Variants in KCNJ6 observed in about 807,000 individuals in gnomAD.
KCNJ6 encodes potassium inwardly rectifying channel subfamily J member 6, also known as G protein-activated inward rectifier potassium channel 2.
In KCNJ6, 9 loss-of-function variants were observed where a neutral mutation model predicts 34.2. The ratio of observed to expected loss-of-function variants is 0.26; its 90% CI spans 0.16 to 0.46. The LOEUF (loss-of-function observed/expected upper bound fraction) is 0.46. Ranked by LOEUF, KCNJ6 falls within the 20% of genes least tolerant of loss-of-function variation. KCNJ6 has a pLI of 1.00. For missense variants in KCNJ6, 236 were observed against 531.3 expected (o/e 0.44, Z 5.46); for synonymous variants, 196 against 207.1 (o/e 0.95, Z 0.46).
chr21:37,715,258 C>G (rs930920552), intron 2 of KCNJ6, 127 bp from the exon 3 acceptor site: 1 of 808,866 alleles, frequency 1.2e-6, no homozygotes, highest in Non-Finnish European at 1.9e-6. Context: ...ACAAAGTAGA[C>G]AAAGCCATTT....
intron 1 of KCNJ6, among the ~76,000 whole-genome samples, chr21:37,846,389 GT>G (rs2055508182): frequency 1.3e-5 from 2 of 151,346 alleles, no homozygotes; most frequent in Admixed American, 6.6e-5. Flanking sequence ...GTGTGTGTGT[GT>G]GTGTGTGTGT....
intron 1 of KCNJ6, among the ~76,000 whole-genome samples, chr21:37,853,392 GA>G (rs58598023): frequency 2.7e-5 from 4 of 149,834 alleles, no homozygotes; most frequent in Admixed American, 6.6e-5. Flanking sequence ...CAACCACTGG[GA>G]AAAAAAACAT....
intron 2 of KCNJ6, among the ~76,000 whole-genome samples, chr21:37,800,044 A>G (rs1291152995): frequency 2.0e-5 from 3 of 152,350 alleles, no homozygotes; most frequent in East Asian, 3.9e-4. Context: ...AGACAAATGT[A>G]TCTGAGGCAT....
At chr21:37,718,121 G>T (rs1444354081) in intron 2 of KCNJ6, among the ~76,000 whole-genome samples, 6 of 152,130 alleles carry the variant, frequency 3.9e-5, no homozygotes, top group African/African-American at 1.4e-4. Flanking sequence ...ATTGAGTCTT[G>T]GCCCATCTGG....
In KCNJ6 at chr21:37,853,846, G is replaced by GTGTGTGTATATATATATATATATATATA. The variant is rs71198897; in HGVS notation, c.-27-13138_-27-13137insTATATATATATATATATATATACACACA. ...GTAGTTAAGAGATACATATATATAT[G>GTGTGTGTATATATATATATATATATATA]TATATATATATATATAAATTACATT... On this transcript the variant is annotated intron_variant, in intron 1 of 3. Coordinates refer to ENST00000609713, the MANE Select transcript of KCNJ6 (RefSeq NM_002240.5). Among the ~76,000 whole-genome samples, 143 of 115,952 alleles carry GTGTGTGTATATATATATATATATATATA rather than the reference G, an allele frequency of 1.2e-3. 1 individual carries two copies. The highest frequency in any genetic ancestry group is 5.4e-3 in the African/African-American group (136 of 25,104). The allele number at this position is 115,952 out of a possible 152,430, so 76.1% of individuals were successfully genotyped here. A position where few individuals can be genotyped will look rare whatever the true frequency, so the allele number is the denominator to read the frequency against.
chr21:37,733,558 C>T (rs2054897139), intron 2 of KCNJ6, among the ~76,000 whole-genome samples: 1 of 152,142 alleles, frequency 6.6e-6, no homozygotes, highest in Non-Finnish European at 1.5e-5. Context: ...GACTGTTGGT[C>T]AACAGCTTAT....
At chr21:37,879,965 T>C (rs376863540) in intron 1 of KCNJ6, among the ~76,000 whole-genome samples, 3 of 152,138 alleles carry the variant, frequency 2.0e-5, no homozygotes, top group African/African-American at 7.2e-5. Flanking sequence ...TTATTTCAAA[T>C]GGATGAAATG....
intron 2 of KCNJ6, among the ~76,000 whole-genome samples, chr21:37,786,275 G>A (rs2055192117): frequency 6.6e-6 from 1 of 152,230 alleles, no homozygotes; most frequent in Non-Finnish European, 1.5e-5. Flanking sequence ...GGGAGGAAGG[G>A]TTGGGGCAGA....
Position 37,675,925 on chromosome 21 carries a change from C to CT in KCNJ6, c.946+38285dup, listed in dbSNP as rs1333539381. On this transcript the variant is annotated intron_variant, in intron 3 of 3. Coordinates refer to ENST00000609713, the MANE Select transcript of KCNJ6 (RefSeq NM_002240.5). The surrounding 1 kb of genome is among the most constrained non-coding windows in gnomAD (Gnocchi z 4.2). Reference sequence around the variant, plus strand: ...GACCCTGCTGCGCTTGTCAGCTTCTCTAACTGTGGCTTGGCTCCTCTGTCC... The same window carrying CT: ...GACCCTGCTGCGCTTGTCAGCTTCTCTTAACTGTGGCTTGGCTCCTCTGTCC... 6.6e-6 allele frequency among the ~76,000 whole-genome samples: 1 copy of CT among 152,232 alleles called. No homozygotes were observed. Among genetic ancestry groups the CT allele is most frequent in the African/African-American group, 2.4e-5 (1 of 41,472 alleles).
chr21:37,764,518 A>C (rs1365110941), intron 2 of KCNJ6, among the ~76,000 whole-genome samples: 3 of 151,740 alleles, frequency 2.0e-5, no homozygotes, highest in Admixed American at 6.6e-5. Context: ...AGCTGAGATT[A>C]CAGGCGTGCG....
chr21:37,848,316 G>A (rs2055520373), intron 1 of KCNJ6, among the ~76,000 whole-genome samples: 1 of 152,222 alleles, frequency 6.6e-6, no homozygotes, highest in Non-Finnish European at 1.5e-5. Flanking sequence ...TTTTTTTAGA[G>A]TAAAGTTAGT....
At position 37,619,803 on chromosome 21, in the gene KCNJ6, CTGAAGCA is replaced by C. The variant is rs1206366640; in HGVS notation, c.*5349_*5355del. On this transcript the variant is annotated 3_prime_UTR_variant, in exon 4 of 4. Coordinates refer to ENST00000609713, the MANE Select transcript of KCNJ6 (RefSeq NM_002240.5). The stretch of plus-strand genomic sequence containing the variant: ...CATCATCCAACGCCTGAGGGTGCCA[CTGAAGCA>C]ATATTTCAGCGGCTGGGCTGGGAAT... The C allele has an allele frequency of 3.3e-5, 5 of 152,328 alleles. No individual in the cohort carries two copies. In the East Asian group the frequency reaches 9.6e-4, roughly 29 times the overall value. 9.4% of individuals were successfully genotyped at this position (152,328 alleles called of 1,614,324 possible).
chr21:37,680,947 C>A (rs941006728), intron 3 of KCNJ6, among the ~76,000 whole-genome samples: 1 of 152,226 alleles, frequency 6.6e-6, no homozygotes, highest in Admixed American at 6.5e-5. Context: ...ACCCTCCTGG[C>A]GCTTCTTTAA....
At chr21:37,724,765 G>A (rs772090649) in intron 2 of KCNJ6, among the ~76,000 whole-genome samples, 6 of 152,306 alleles carry the variant, frequency 3.9e-5, no homozygotes, top group Non-Finnish European at 5.9e-5. Context: ...ACCTGGAGCA[G>A]TTGCAGAGGA....
At chr21:37,882,661 A>T (rs1417382502) in intron 1 of KCNJ6, among the ~76,000 whole-genome samples, 1 of 152,204 alleles carries the variant, frequency 6.6e-6, no homozygotes, top group Non-Finnish European at 1.5e-5. Flanking sequence ...ACAAGCTCCA[A>T]CTGTGGTGGG....
At chr21:37,676,396 C>T (rs73414013) in intron 3 of KCNJ6, among the ~76,000 whole-genome samples, 3,704 of 152,336 alleles carry the variant, frequency 0.024, 168 homozygotes, top group African/African-American at 0.084. Flanking sequence ...TTGCTCACCA[C>T]TGAACTCTGC....
chr21:37,820,023 G>A (rs889938931), intron 2 of KCNJ6, among the ~76,000 whole-genome samples: 2 of 151,902 alleles, frequency 1.3e-5, no homozygotes, highest in African/African-American at 4.8e-5. Context: ...CCTGAGCTCA[G>A]GTGATCCACC....
chr21:37,740,398 C>T (rs770206732), intron 2 of KCNJ6, among the ~76,000 whole-genome samples: 4 of 152,178 alleles, frequency 2.6e-5, no homozygotes, highest in African/African-American at 4.8e-5. Context: ...CATCTCTTAT[C>T]GCAACCTAGA....
intron 1 of KCNJ6, among the ~76,000 whole-genome samples, chr21:37,848,866 C>A (rs1028847070): frequency 1.6e-4 from 24 of 152,300 alleles, no homozygotes; most frequent in Admixed American, 4.6e-4. Flanking sequence ...TGTGTCCTCC[C>A]TGGCTTGAAA....
Sources: gnomAD v4.1 joint callset for allele counts (sites outside exome capture counted in the v4.1 genomes callset) on GRCh38, gnomAD v4.1.1 for gene constraint, Gnocchi (gnomAD v3.1) non-coding constraint, MANE v1.5 for transcripts, NCBI Gene and HGNC (gene_info 2026-07-23, HGNC 2026-07-21) for gene names.